The following SGCZ variants were observed in gnomAD, a reference collection of about 807,000 sequenced individuals.
The protein encoded by SGCZ is zeta-sarcoglycan.
Under a neutral mutation model 41.3 loss-of-function variants are expected in SGCZ, and 40 were observed. The ratio of observed to expected loss-of-function variants is 0.97; its 90% confidence interval spans 0.75 to 1.26. SGCZ has a LOEUF of 1.26. SGCZ is among the 50% of genes most tolerant of loss of function. The pLI is 0.00. For missense variants in SGCZ, 552 were observed against 369.8 expected (o/e 1.49, Z -4.04); for synonymous variants, 206 against 137.5 (o/e 1.50, Z -3.49).
intron 1 of SGCZ, among the ~76,000 whole-genome samples, chr8:14,992,187 T>C (rs989402255): frequency 6.6e-6 from 1 of 151,740 alleles, no homozygotes; most frequent in Non-Finnish European, 1.5e-5. Context: ...CCCAAACTAG[T>C]GTTATCCTTG....
intron 2 of SGCZ, among the ~76,000 whole-genome samples, chr8:14,343,234 A>G (rs1585386762): frequency 1.3e-5 from 2 of 152,342 alleles, no homozygotes; most frequent in Non-Finnish European, 2.9e-5. Flanking sequence ...TCCAGAAGGG[A>G]AATGTGGGGT....
chr8:14,198,080 G>A (rs1317138577), intron 4 of SGCZ, among the ~76,000 whole-genome samples: 2 of 152,094 alleles, frequency 1.3e-5, no homozygotes, highest in Admixed American at 1.3e-4. Context: ...CTTAACTGTG[G>A]TTATTAAATG....
At chr8:14,222,489 G>T (rs972199602) in intron 4 of SGCZ, among the ~76,000 whole-genome samples, 3 of 151,880 alleles carry the variant, frequency 2.0e-5, no homozygotes, top group South Asian at 2.1e-4. Flanking sequence ...GTTTTAGGGG[G>T]TGTTGACCTC....
At chr8:14,906,262 A>G (rs1799118506) in intron 1 of SGCZ, among the ~76,000 whole-genome samples, 1 of 152,196 alleles carries the variant, frequency 6.6e-6, no homozygotes, top group African/African-American at 2.4e-5. Context: ...TATGAGGATC[A>G]TAATAGCTTT....
chr8:14,851,356 G>A (rs549211396), intron 1 of SGCZ, among the ~76,000 whole-genome samples: 6 of 104,202 alleles, frequency 5.8e-5, no homozygotes, highest in Admixed American at 3.2e-4. Context: ...GCGACAGAGC[G>A]AGACTCCATC....
At chr8:14,993,494 T>C (rs1348581704) in intron 1 of SGCZ, among the ~76,000 whole-genome samples, 2 of 152,042 alleles carry the variant, frequency 1.3e-5, no homozygotes, top group East Asian at 1.9e-4. Context: ...TTTCAGAAGA[T>C]GATGAGTGCT....
intron 1 of SGCZ, among the ~76,000 whole-genome samples, chr8:15,015,705 A>G (rs1319110262): frequency 3.1e-5 from 4 of 130,234 alleles, no homozygotes; most frequent in East Asian, 2.3e-4. Flanking sequence ...AAAAAAAAAG[A>G]AAAGAAAAAA....
intron 1 of SGCZ, among the ~76,000 whole-genome samples, chr8:14,645,617 T>A (rs1426442335): frequency 6.6e-6 from 1 of 151,132 alleles, no homozygotes; most frequent in South Asian, 2.1e-4. Context: ...AGATTGAAAA[T>A]GATCTTTTCC....
At chr8:14,652,611 A>T (rs1807442280) in intron 1 of SGCZ, among the ~76,000 whole-genome samples, 1 of 152,036 alleles carries the variant, frequency 6.6e-6, no homozygotes, top group Non-Finnish European at 1.5e-5. Flanking sequence ...TCTGTTTCCC[A>T]CATAGGAACT....
intron 2 of SGCZ, among the ~76,000 whole-genome samples, chr8:14,553,037 C>A (rs1310625488): frequency 1.3e-5 from 2 of 151,906 alleles, no homozygotes; most frequent in Admixed American, 1.3e-4. Flanking sequence ...AAAAATGAGG[C>A]TGAAAATGTT....
chr8:14,468,672 C>G (rs79504520), intron 2 of SGCZ, among the ~76,000 whole-genome samples: 4,400 of 152,096 alleles, frequency 0.029, 198 homozygotes, highest in African/African-American at 0.099. Flanking sequence ...ACCGTAGACA[C>G]TAACACCTTA....
chr8:15,174,111 T>G (rs1023817076), intron 1 of SGCZ, among the ~76,000 whole-genome samples: 1 of 152,198 alleles, frequency 6.6e-6, no homozygotes, highest in East Asian at 1.9e-4. Context: ...TCTATTTTAA[T>G]GGATGTTAAT....
chr8:14,478,544 A>T (rs918934743), intron 2 of SGCZ, among the ~76,000 whole-genome samples: 1 of 152,136 alleles, frequency 6.6e-6, no homozygotes, highest in Non-Finnish European at 1.5e-5. Flanking sequence ...CAGAGGGATG[A>T]GTAGGTGGAG....
intron 1 of SGCZ, among the ~76,000 whole-genome samples, chr8:14,804,722 C>T (rs1384397329): frequency 8.9e-6 from 1 of 112,358 alleles, no homozygotes; most frequent in Non-Finnish European, 1.9e-5. Context: ...GCAGGAAATA[C>T]AGAGAACGCC....
chr8:14,579,855 T>A (rs1804829394), intron 1 of SGCZ, among the ~76,000 whole-genome samples: 1 of 152,322 alleles, frequency 6.6e-6, no homozygotes, highest in Middle Eastern at 3.4e-3. Context: ...TACATTTAGA[T>A]AAAGAGACTG....
intron 4 of SGCZ, among the ~76,000 whole-genome samples, chr8:14,195,941 GA>G (rs1191321060): frequency 2.0e-5 from 3 of 152,064 alleles, no homozygotes; most frequent in Admixed American, 2.0e-4. Flanking sequence ...ACATCAGATG[GA>G]AATATGAATC....
chr8:14,606,508 T>C (rs1805754007), intron 1 of SGCZ, among the ~76,000 whole-genome samples: 1 of 152,172 alleles, frequency 6.6e-6, no homozygotes, highest in African/African-American at 2.4e-5. Flanking sequence ...CTCTCCGTCT[T>C]CTGGTATCCA....
chr8:14,974,662 G>A (rs1369001831), intron 1 of SGCZ, among the ~76,000 whole-genome samples: 1 of 152,114 alleles, frequency 6.6e-6, no homozygotes, highest in Non-Finnish European at 1.5e-5. Flanking sequence ...ACAAATGTGA[G>A]AACCGCTGCA....
At chr8:14,409,527 A>C (rs1055598862) in intron 2 of SGCZ, among the ~76,000 whole-genome samples, 1 of 152,146 alleles carries the variant, frequency 6.6e-6, no homozygotes, top group Non-Finnish European at 1.5e-5. Flanking sequence ...TGGCTGCCTC[A>C]TAAGAACTTA....
Sources: gnomAD v4.1 joint callset for allele counts (sites outside exome capture counted in the v4.1 genomes callset) on GRCh38, gnomAD v4.1.1 for gene constraint, MANE v1.5 for transcripts, NCBI Gene and HGNC (gene_info 2026-07-23, HGNC 2026-07-21) for gene names.